Variants in INTS9 observed in about 807,000 individuals in gnomAD.
The protein encoded by INTS9 is integrator complex subunit 9, also known as protein related to CPSF subunits of 74 kDa.
In INTS9, 55 loss-of-function variants were observed where a neutral mutation model predicts 79.7. The observed-to-expected ratio is 0.69, with a 90% CI of 0.56 to 0.86. INTS9 has a LOEUF of 0.86. INTS9 is among the 40% of genes least tolerant of loss of function. The pLI is 0.00. For missense variants in INTS9, 721 were observed against 831.5 expected, an observed-to-expected ratio of 0.87 and a Z score of 1.64; for synonymous variants, 319 against 325.2, an observed-to-expected ratio of 0.98 and a Z score of 0.20.
intron 8 of INTS9, among the ~76,000 whole-genome samples, chr8:28,801,513 AC>A (rs200936083): frequency 6.6e-6 from 1 of 150,650 alleles, no homozygotes; most frequent in Non-Finnish European, 1.5e-5. Context: ...AAACAAAAAA[AC>A]AAAAAAAACC....
intron 1 of INTS9, among the ~76,000 whole-genome samples, chr8:28,861,780 T>C (rs185368846): frequency 6.6e-6 from 1 of 152,376 alleles, no homozygotes; most frequent in East Asian, 1.9e-4. Flanking sequence ...GCTGGAAGAC[T>C]TTACTTTTGT....
At chr8:28,870,545 A>C (rs1809031662) in intron 1 of INTS9, among the ~76,000 whole-genome samples, 1 of 152,172 alleles carries the variant, frequency 6.6e-6, no homozygotes, top group Non-Finnish European at 1.5e-5. Flanking sequence ...AGGGAGACTT[A>C]TTAGTGTATG....
chr8:28,792,984 A>AG lies in INTS9; in HGVS notation c.1037+822dup, dbSNP rs147193116. 1.9e-3 allele frequency among the ~76,000 whole-genome samples: 285 copies of AG among 150,874 alleles called. 6 individuals are homozygous for AG. The East Asian group carries it at 0.048, about 25-fold the overall frequency. Reference sequence around the variant, plus strand: ...GAGACGCCTGTATGAGTCTAAACACAGCGGGGAAAAAAACGACCACAGAAG... The same window carrying AG: ...GAGACGCCTGTATGAGTCTAAACACAGGCGGGGAAAAAAACGACCACAGAAG... On this transcript the variant is annotated intron_variant, in intron 10 of 16. Transcript: ENST00000521022.
chr8:28,769,850 A>C (rs755149124), intron 16 of INTS9, 39 bp downstream of exon 16: 1 of 1,608,436 alleles, frequency 6.2e-7, no homozygotes. Flanking sequence ...AAAGGCTGCC[A>C]CGTGTGGAGT....
At chr8:28,863,794 CA>C (rs1351441455) in intron 1 of INTS9, among the ~76,000 whole-genome samples, 1 of 152,042 alleles carries the variant, frequency 6.6e-6, no homozygotes, top group Non-Finnish European at 1.5e-5. Flanking sequence ...AAAACAAAAA[CA>C]AAAACAAACA....
intron 9 of INTS9, among the ~76,000 whole-genome samples, chr8:28,795,907 C>T (rs752480099): frequency 2.0e-5 from 3 of 152,120 alleles, no homozygotes; most frequent in South Asian, 2.1e-4. Context: ...CAGTTATATC[C>T]GAAGGAAAAT....
At chr8:28,865,954 T>C (rs1808723516) in intron 1 of INTS9, among the ~76,000 whole-genome samples, 1 of 152,150 alleles carries the variant, frequency 6.6e-6, no homozygotes, top group African/African-American at 2.4e-5. Context: ...CATTTTTTTT[T>C]TTGCAATGTA....
At chr8:28,780,468 G>C in intron 12 of INTS9, 1 of 985,268 alleles carries the variant, frequency 1.0e-6, no homozygotes, top group African/African-American at 1.7e-5. Context: ...ACCACAATCA[G>C]AAGAAAAAGA....
chr8:28,784,796 G>A (rs988338214), intron 11 of INTS9, among the ~76,000 whole-genome samples: 11 of 152,240 alleles, frequency 7.2e-5, no homozygotes, highest in South Asian at 4.2e-4. Flanking sequence ...CAAAAGCAGG[G>A]AATGAACAGT....
chr8:28,848,477 C>G (rs968990953), intron 3 of INTS9, among the ~76,000 whole-genome samples: 2 of 152,150 alleles, frequency 1.3e-5, no homozygotes, highest in Admixed American at 1.3e-4. Flanking sequence ...TGGTTTCTCT[C>G]CTTAGATGAG....
At position 28,822,308 on chromosome 8, in the gene INTS9, T is replaced by C. The variant is rs536414887; in HGVS notation, c.489-8696A>G. 7.9e-5 allele frequency among the ~76,000 whole-genome samples: 12 copies of C among 152,322 alleles called. No homozygotes were observed. In the East Asian group the frequency reaches 2.3e-3, roughly 29 times the overall value. On this transcript the variant is annotated intron_variant, in intron 6 of 16. Transcript: ENST00000521022. ...CAGAAAATGGGGGTAGAAAACTTTT[T>C]TTTTTAAACCAGAATCAAAATTCTT... is the stretch of plus-strand genomic sequence containing the variant.
chr8:28,819,045 T>C (rs968259447), intron 6 of INTS9, among the ~76,000 whole-genome samples: 1 of 152,210 alleles, frequency 6.6e-6, no homozygotes, highest in African/African-American at 2.4e-5. Flanking sequence ...TTCTCTCTTT[T>C]CTTCTTTATT....
At chr8:28,874,515 G>A (rs772475896) in intron 1 of INTS9, among the ~76,000 whole-genome samples, 5 of 151,756 alleles carry the variant, frequency 3.3e-5, no homozygotes, top group East Asian at 1.9e-4. Flanking sequence ...GGATGGTCTC[G>A]ATCTCCTGAC....
chr8:28,828,658 G>A (rs1363104736), intron 6 of INTS9, among the ~76,000 whole-genome samples: 4 of 151,778 alleles, frequency 2.6e-5, no homozygotes, highest in Middle Eastern at 3.5e-3. Flanking sequence ...CCCAAGGAGC[G>A]TCAGAGCGGA....
At chr8:28,881,335 G>A (rs1225891486) in intron 1 of INTS9, among the ~76,000 whole-genome samples, 27 of 126,094 alleles carry the variant, frequency 2.1e-4, no homozygotes, top group Admixed American at 6.9e-4. Flanking sequence ...CAGCCGCCCC[G>A]TCCGGGAGGT....
At chr8:28,788,616 A>G (rs999868095) in intron 10 of INTS9, among the ~76,000 whole-genome samples, 1 of 152,068 alleles carries the variant, frequency 6.6e-6, no homozygotes, top group Non-Finnish European at 1.5e-5. Context: ...ACGGGGTTTC[A>G]CCATGTTGGC....
At chr8:28,882,494 TAA>T (rs1169421320) in intron 1 of INTS9, among the ~76,000 whole-genome samples, 3 of 39,608 alleles carry the variant, frequency 7.6e-5, no homozygotes, top group African/African-American at 2.6e-4. Context: ...TAAAATAAAA[TAA>T]AAAAAAAAGA....
At chr8:28,796,513 A>T (rs1445930594) in intron 9 of INTS9, 31 bp downstream of exon 9, 1 of 1,174,420 alleles carries the variant, frequency 8.5e-7, no homozygotes, top group African/African-American at 1.5e-5. Flanking sequence ...AAGATAGATC[A>T]TCCAACGTAA....
intron 6 of INTS9, among the ~76,000 whole-genome samples, chr8:28,819,094 A>G (rs1321237201): frequency 6.6e-6 from 1 of 152,086 alleles, no homozygotes; most frequent in African/African-American, 2.4e-5. Context: ...TGATCCTTTC[A>G]AAAAACCAGC....
Sources: gnomAD v4.1 joint callset for allele counts (sites outside exome capture counted in the v4.1 genomes callset) on GRCh38, gnomAD v4.1.1 for gene constraint, MANE v1.5 for transcripts, NCBI Gene and HGNC (gene_info 2026-07-23, HGNC 2026-07-21) for gene names.